The following LINGO2 variants were observed in gnomAD, a reference collection of about 807,000 sequenced individuals.
The protein encoded by LINGO2 is leucine-rich repeat and immunoglobulin-like domain-containing nogo receptor-interacting protein 2.
LINGO2 carries 14 observed loss-of-function variants against 30.6 expected under a neutral mutation model. The ratio of observed to expected loss-of-function variants is 0.46; its 90% confidence interval spans 0.30 to 0.72. The LOEUF is 0.72. Among genes scored for constraint, LINGO2 ranks in the 30% least tolerant of loss-of-function variants. LINGO2 has a pLI of 0.07. For synonymous variants in LINGO2, 317 were observed against 288.5 expected, an observed-to-expected ratio of 1.10 and a Z score of -1.00; for missense variants, 729 against 751.7, an observed-to-expected ratio of 0.97 and a Z score of 0.35.
the LINGO2 span, among the ~76,000 whole-genome samples, chr9:29,178,322 C>T: frequency 2.0e-5 from 3 of 152,146 alleles, no homozygotes; most frequent in Admixed American, 6.5e-5. Context: ...TCCCAAAGTG[C>T]TGGGATTATA....
intron 1 of LINGO2, among the ~76,000 whole-genome samples, chr9:28,639,381 C>T (rs1827455280): frequency 6.6e-6 from 1 of 152,044 alleles, no homozygotes; most frequent in Admixed American, 6.6e-5. Context: ...TCCTTGTTAA[C>T]TTTCTGTCTC....
intron 2 of LINGO2, among the ~76,000 whole-genome samples, chr9:28,390,412 T>C (rs1214773666): frequency 6.6e-6 from 1 of 152,230 alleles, no homozygotes; most frequent in Non-Finnish European, 1.5e-5. Context: ...TATCTAGTTA[T>C]ATCACTTTGT....
At position 28,148,094 on chromosome 9, in the gene LINGO2, A is replaced by G. The variant is rs1827867913; in HGVS notation, c.-86-135689T>C. 7 of 1,110,414 alleles carry G rather than the reference A, an allele frequency of 6.3e-6. No homozygotes were observed. The South Asian group carries it at 1.6e-4, about 25-fold the overall frequency. 68.8% of individuals were successfully genotyped at this position (1,110,414 alleles called of 1,614,324 possible). A position where few individuals can be genotyped will look rare whatever the true frequency, so the allele number is the denominator to read the frequency against. On this transcript the variant is annotated intron_variant, in intron 4 of 5. Coordinates refer to ENST00000379992, the Ensembl canonical transcript of LINGO2. This position sits in a 1 kb window ranked among gnomAD's most constrained non-coding sequence, Gnocchi z 5.1. Reference sequence around the variant, plus strand: ...TGAGGCCTTCCCAGCTGGCCGGGCTAACCCCGCGGCTCCTGCACCTGTGCC... The same window carrying G: ...TGAGGCCTTCCCAGCTGGCCGGGCTGACCCCGCGGCTCCTGCACCTGTGCC...
intron 2 of LINGO2, among the ~76,000 whole-genome samples, chr9:28,464,445 C>T (rs1825214494): frequency 6.6e-6 from 1 of 152,128 alleles, no homozygotes; most frequent in Admixed American, 6.5e-5. Context: ...TTTTCGTTTG[C>T]TGTACATGGC....
the LINGO2 span, among the ~76,000 whole-genome samples, chr9:28,788,413 T>C: frequency 6.6e-6 from 1 of 152,212 alleles, no homozygotes; most frequent in South Asian, 2.1e-4. Flanking sequence ...TAGAAATACA[T>C]ACATCAATAG....
At chr9:29,123,030 G>C in the LINGO2 span, among the ~76,000 whole-genome samples, 1 of 152,038 alleles carries the variant, frequency 6.6e-6, no homozygotes, top group Non-Finnish European at 1.5e-5. Context: ...TCATTTCCAA[G>C]TGAAACTCAT....
intron 4 of LINGO2, among the ~76,000 whole-genome samples, chr9:28,185,806 C>A (rs1248939823): frequency 6.6e-6 from 1 of 152,060 alleles, no homozygotes; most frequent in Non-Finnish European, 1.5e-5. Flanking sequence ...TATTCTGAAC[C>A]AGTTATTCTA....
intron 1 of LINGO2, among the ~76,000 whole-genome samples, chr9:28,667,239 T>G (rs1419404105): frequency 6.6e-6 from 1 of 152,056 alleles, no homozygotes; most frequent in Non-Finnish European, 1.5e-5. Context: ...TTTCTCACTT[T>G]AACTAAACCC....
the LINGO2 span, among the ~76,000 whole-genome samples, chr9:28,836,168 C>T: frequency 6.6e-6 from 1 of 152,116 alleles, no homozygotes; most frequent in Non-Finnish European, 1.5e-5. Flanking sequence ...GAAAAACAAG[C>T]AGTCTTGATT....
At chr9:28,879,678 G>C in the LINGO2 span, among the ~76,000 whole-genome samples, 1 of 152,116 alleles carries the variant, frequency 6.6e-6, no homozygotes, top group African/African-American at 2.4e-5. Context: ...ACCCCTCTTT[G>C]TAGAGTTCCA....
At chr9:28,327,782 T>C (rs1335557864) in intron 3 of LINGO2, among the ~76,000 whole-genome samples, 4 of 152,186 alleles carry the variant, frequency 2.6e-5, no homozygotes, top group Admixed American at 1.3e-4. Context: ...TACAAATCTG[T>C]GATGATAATG....
chr9:27,945,414 C>A (rs1044106224), downstream of LINGO2, among the ~76,000 whole-genome samples: 1 of 152,068 alleles, frequency 6.6e-6, no homozygotes, highest in African/African-American at 2.4e-5. Context: ...AAAAAAGAAT[C>A]CATCCTAAAT....
chr9:28,635,431 T>C (rs1827215294), intron 1 of LINGO2, among the ~76,000 whole-genome samples: 1 of 152,058 alleles, frequency 6.6e-6, no homozygotes, highest in Admixed American at 6.6e-5. Flanking sequence ...ACTTATAAGA[T>C]ACAGTGAAAT....
At chr9:28,463,158 T>C (rs1447375885) in intron 2 of LINGO2, among the ~76,000 whole-genome samples, 4 of 152,034 alleles carry the variant, frequency 2.6e-5, no homozygotes, top group Non-Finnish European at 4.4e-5. Context: ...GTTTCACAAG[T>C]TACCCTAGTC....
intron 4 of LINGO2, among the ~76,000 whole-genome samples, chr9:28,140,343 G>A (rs1405027444): frequency 6.6e-6 from 1 of 152,168 alleles, no homozygotes; most frequent in Non-Finnish European, 1.5e-5. Flanking sequence ...GAACCAGATA[G>A]GAAATGTATA....
the LINGO2 span, among the ~76,000 whole-genome samples, chr9:28,687,916 C>T: frequency 6.6e-6 from 1 of 152,032 alleles, no homozygotes; most frequent in Non-Finnish European, 1.5e-5. Flanking sequence ...AATTGAAAAG[C>T]TTCCAGGTTA....
At chr9:28,854,213 T>C in the LINGO2 span, among the ~76,000 whole-genome samples, 1 of 152,072 alleles carries the variant, frequency 6.6e-6, no homozygotes, top group Non-Finnish European at 1.5e-5. Context: ...GCGGAGAAAC[T>C]GTGATTTAAG....
At chr9:28,355,783 A>C (rs1341782570) in intron 3 of LINGO2, among the ~76,000 whole-genome samples, 1 of 151,984 alleles carries the variant, frequency 6.6e-6, no homozygotes, top group Middle Eastern at 3.2e-3. Context: ...TCTTTGGGAA[A>C]TGTGACTTGC....
the LINGO2 span, among the ~76,000 whole-genome samples, chr9:28,828,930 G>A: frequency 6.6e-6 from 1 of 152,126 alleles, no homozygotes; most frequent in East Asian, 1.9e-4. Context: ...AGGAGGATGG[G>A]TCCCCAGAGA....
Sources: gnomAD v4.1 joint callset for allele counts (sites outside exome capture counted in the v4.1 genomes callset) on GRCh38, gnomAD v4.1.1 for gene constraint, Gnocchi (gnomAD v3.1) non-coding constraint, MANE v1.5 for transcripts, NCBI Gene and HGNC (gene_info 2026-07-23, HGNC 2026-07-21) for gene names.